GCLM: variants seen among roughly 807,000 people sequenced by gnomAD.
The protein encoded by GCLM is glutamate-cysteine ligase modifier subunit, also known as glutamate--cysteine ligase regulatory subunit.
A neutral mutation model predicts 36.0 loss-of-function variants in GCLM; 15 were observed. That is an observed-to-expected ratio of 0.42 (90% CI 0.28 to 0.64). GCLM has a LOEUF of 0.64. Ranked by LOEUF, GCLM falls within the 30% of genes least tolerant of loss-of-function variation. The probability of loss-of-function intolerance (pLI) is 0.25; values close to 1 mark genes in which losing one functional copy is unlikely to be tolerated. For synonymous variants in GCLM, 129 were observed against 122.8 expected (o/e 1.05, Z -0.34); for missense variants, 242 against 325.5 (o/e 0.74, Z 1.97).
intron 3 of GCLM, among the ~76,000 whole-genome samples, chr1:93,900,263 C>T (rs1018017726): frequency 5.9e-5 from 9 of 152,142 alleles, no homozygotes; most frequent in Non-Finnish European, 1.0e-4. Context: ...ATGGCCTCTT[C>T]TCTCTGAAGG....
chr1:93,891,675 A>G (rs1462415185), intron 6 of GCLM, among the ~76,000 whole-genome samples: 3 of 152,188 alleles, frequency 2.0e-5, no homozygotes, highest in Non-Finnish European at 2.9e-5. Context: ...AAATGCATCA[A>G]TCAATATGGA....
chr1:93,889,916 A>G (rs1357945679), intron 6 of GCLM, among the ~76,000 whole-genome samples: 3 of 149,808 alleles, frequency 2.0e-5, no homozygotes, highest in Non-Finnish European at 4.4e-5. Context: ...ATATATATAT[A>G]TATATTTTTT....
Position 93,901,654 on chromosome 1 carries a change from A to C in GCLM, c.208T>G (p.Leu70Val). The C allele has an allele frequency of 2.0e-6, 3 of 1,536,812 alleles. No homozygotes were observed. The highest frequency in any genetic ancestry group is 2.7e-6 in the Non-Finnish European group (3 of 1,113,612). ...PDLVREFPDV[L>V]ECTVSHAVEK... ...ACTGCATGAGATACAGTGCATTCCA[A>C]GACATCTGGAAACTCCTATAATAAA... The change falls in exon 3 of 7, where the codon TTG (leucine) becomes GTG (valine). Residue 70 changes from leucine to valine, a missense_variant. Leu to Val is a conservative substitution (Grantham distance 32). Coordinates refer to ENST00000370238, the MANE Select transcript of GCLM (RefSeq NM_002061.4).
Position 93,888,429 on chromosome 1 carries a change from A to AT in GCLM, c.*560dup, listed in dbSNP as rs1043176574. ...ACAGCTAAACTATAAGCAAGGACAC[A>AT]TAAAAAAAAATTTAAGTTTCCATTC... On this transcript the variant is annotated 3_prime_UTR_variant, in exon 7 of 7. Transcript: ENST00000370238. 3 of 152,202 alleles carry AT rather than the reference A, an allele frequency of 2.0e-5. No individual in the cohort carries two copies. Among genetic ancestry groups the AT allele is most frequent in the African/African-American group, 7.2e-5 (3 of 41,464 alleles). 9.4% of individuals were successfully genotyped at this position (152,202 alleles called of 1,614,324 possible). A position where few individuals can be genotyped will look rare whatever the true frequency, so the allele number is the denominator to read the frequency against.
chr1:93,901,042 T>TG (rs537384345), intron 3 of GCLM, among the ~76,000 whole-genome samples: 1 of 152,226 alleles, frequency 6.6e-6, no homozygotes, highest in Non-Finnish European at 1.5e-5. Flanking sequence ...ATGCTAATTG[T>TG]AAGGTGAGGG....
In GCLM at chr1:93,888,834, A is replaced by G. The variant is rs549837195; in HGVS notation, c.*156T>C. The G allele has an allele frequency of 3.8e-5, 18 of 477,648 alleles. No individual in the cohort carries two copies. Among genetic ancestry groups the G allele is most frequent in the Admixed American group, 7.7e-5 (2 of 25,894 alleles). 29.6% of individuals were successfully genotyped at this position (477,648 alleles called of 1,614,324 possible). ...GAGAATGGATTGATATGGAGGCAAG[A>G]TAAGTATTTAAAACTTGACAGACAA... is the stretch of plus-strand genomic sequence containing the variant. On this transcript the variant is annotated 3_prime_UTR_variant, in exon 7 of 7. Coordinates refer to ENST00000370238, the MANE Select transcript of GCLM (RefSeq NM_002061.4).
chr1:93,903,273 AC>A (rs1657025038), intron 2 of GCLM, among the ~76,000 whole-genome samples: 1 of 151,708 alleles, frequency 6.6e-6, no homozygotes, highest in Admixed American at 6.6e-5. Context: ...TTTTATAATC[AC>A]AAGCATTTTA....
intron 3 of GCLM, among the ~76,000 whole-genome samples, chr1:93,898,420 T>A (rs1656818444): frequency 6.6e-6 from 1 of 151,582 alleles, no homozygotes; most frequent in Admixed American, 6.6e-5. Flanking sequence ...ATAACATTAT[T>A]TCCTCTTCTA....
Position 93,909,180 on chromosome 1 carries a change from G to T in GCLM, c.-17C>A. The T allele has an allele frequency of 8.0e-7, 1 of 1,243,954 alleles. No individual in the cohort carries two copies. The highest frequency in any genetic ancestry group is 3.4e-5 in the East Asian group (1 of 28,996). 77.1% of individuals were successfully genotyped at this position (1,243,954 alleles called of 1,614,324 possible). The stretch of plus-strand genomic sequence containing the variant: ...GGTGCCCATGGCAGCGGCCGCCCAG[G>T]GGCCGCGCAGCGAAGGGGCTGCGGG... On this transcript the variant is annotated 5_prime_UTR_variant, in exon 1 of 7. Coordinates refer to ENST00000370238, the MANE Select transcript of GCLM (RefSeq NM_002061.4).
rs758423656 is a variant in GCLM at position 93,896,724 on chromosome 1, G to C, written c.434C>G (p.Pro145Arg). Residue 145 changes from proline to arginine, a missense_variant, in exon 5 of 7, where the codon CCT becomes CGT. Transcript: ENST00000370238. ...TAAGTTTTCTAATTCCTCCCAGTAA[G>C]GCTGTAAATGCTCCAAGGAAAGATT... Reference protein sequence around the residue: ...GVNLSLEHLQPYWEELENLVQ... With the variant: ...GVNLSLEHLQRYWEELENLVQ... The C allele has an allele frequency of 6.2e-7, 1 of 1,610,620 alleles. No individual in the cohort carries two copies. Among genetic ancestry groups the C allele is most frequent in the Admixed American group, 1.7e-5 (1 of 60,000 alleles).
At chr1:93,898,855 TCAAA>T (rs1358607377) in intron 3 of GCLM, among the ~76,000 whole-genome samples, 1 of 152,152 alleles carries the variant, frequency 6.6e-6, no homozygotes, top group African/African-American at 2.4e-5. Context: ...ACTCCCGGTC[TCAAA>T]CAATCTTCCC....
intron 2 of GCLM, among the ~76,000 whole-genome samples, chr1:93,903,591 T>C (rs1038137004): frequency 1.3e-5 from 2 of 152,036 alleles, no homozygotes; most frequent in Admixed American, 1.3e-4. Context: ...GTGCTGGGAT[T>C]ATAGGCGTGA....
chr1:93,901,348 A>G (rs924679478), intron 3 of GCLM, among the ~76,000 whole-genome samples: 1 of 152,172 alleles, frequency 6.6e-6, no homozygotes, highest in African/African-American at 2.4e-5. Context: ...CATAAATTAC[A>G]TGACATGATG....
chr1:93,892,970 C>G (rs1441636533), intron 6 of GCLM, among the ~76,000 whole-genome samples: 1 of 152,116 alleles, frequency 6.6e-6, no homozygotes. Flanking sequence ...CAGAATAAAT[C>G]AGCATAACAA....
intron 1 of GCLM, among the ~76,000 whole-genome samples, chr1:93,905,472 A>G (rs888045817): frequency 6.6e-6 from 1 of 152,174 alleles, no homozygotes; most frequent in African/African-American, 2.4e-5. Flanking sequence ...AGAGTACTTT[A>G]TCTACGTACT....
At chr1:93,894,100 A>G (rs1656631862) in intron 6 of GCLM, among the ~76,000 whole-genome samples, 2 of 152,140 alleles carry the variant, frequency 1.3e-5, no homozygotes, top group African/African-American at 4.8e-5. Flanking sequence ...TCTGCAAAAA[A>G]TAGAAAAATT....
intron 2 of GCLM, 30 bp from the exon 3 acceptor site, chr1:93,901,699 A>G (rs756925373): frequency 1.6e-5 from 17 of 1,068,400 alleles, no homozygotes; most frequent in Non-Finnish European, 2.4e-5. Context: ...TAAAACAAAT[A>G]TAAAATTTAA....
intron 1 of GCLM, among the ~76,000 whole-genome samples, chr1:93,905,504 G>C (rs1015112751): frequency 1.3e-5 from 2 of 152,048 alleles, no homozygotes; most frequent in African/African-American, 4.8e-5. Flanking sequence ...GAACCACCAG[G>C]ATAGACATAT....
intron 4 of GCLM, 92 bp downstream of exon 4, chr1:93,897,742 ATTTTC>A: frequency 1.6e-6 from 1 of 637,608 alleles, no homozygotes; most frequent in Non-Finnish European, 2.7e-6. Flanking sequence ...GAATCAACTC[ATTTTC>A]TTTTTACCTG....
Sources: allele counts gnomAD v4.1 joint callset (sites outside exome capture counted in the v4.1 genomes callset), GRCh38; gene constraint gnomAD v4.1.1; transcripts MANE v1.5; gene names NCBI Gene and HGNC (gene_info 2026-07-23, HGNC 2026-07-21).